Variants in KCNK2 observed in about 807,000 individuals in gnomAD.
The protein encoded by KCNK2 is potassium two pore domain channel subfamily K member 2.
Under a neutral mutation model 40.5 loss-of-function variants are expected in KCNK2, and 21 were observed. The ratio of observed to expected loss-of-function variants is 0.52; its 90% CI spans 0.37 to 0.75. The LOEUF is 0.75. Ranked by LOEUF, KCNK2 falls within the 30% of genes least tolerant of loss-of-function variation. KCNK2 has a pLI of 0.00. For missense variants in KCNK2, 399 were observed against 531.6 expected (o/e 0.75, Z 2.45); for synonymous variants, 191 against 202.2 (o/e 0.94, Z 0.47).
intron 3 of KCNK2, among the ~76,000 whole-genome samples, chr1:215,133,284 T>C (rs1181997349): frequency 6.6e-6 from 1 of 152,220 alleles, no homozygotes; most frequent in Non-Finnish European, 1.5e-5. Flanking sequence ...TGTTAAATGT[T>C]GTGATCTTGA....
At chr1:215,201,372 T>A (rs1220297394) in intron 6 of KCNK2, among the ~76,000 whole-genome samples, 1 of 152,120 alleles carries the variant, frequency 6.6e-6, no homozygotes, top group African/African-American at 2.4e-5. Context: ...TAGAAAGCAA[T>A]GTAAATCTTG....
At chr1:215,067,087 C>T (rs780929547) in intron 1 of KCNK2, among the ~76,000 whole-genome samples, 1 of 152,098 alleles carries the variant, frequency 6.6e-6, no homozygotes, top group African/African-American at 2.4e-5. Flanking sequence ...CTGGGCTGAA[C>T]TGGGACTATG....
intron 6 of KCNK2, among the ~76,000 whole-genome samples, chr1:215,208,892 A>G (rs1665432717): frequency 1.3e-5 from 2 of 151,966 alleles, no homozygotes; most frequent in South Asian, 4.1e-4. Context: ...CAGTGGCACC[A>G]TCTTGGCTCA....
chr1:215,126,893 C>A (rs184672073), intron 3 of KCNK2, among the ~76,000 whole-genome samples: 1 of 152,098 alleles, frequency 6.6e-6, no homozygotes, highest in Non-Finnish European at 1.5e-5. Context: ...TGGTCTTTTA[C>A]TCTTGAGGTC....
chr1:215,017,391 A>G (rs1213262349), intron 1 of KCNK2, among the ~76,000 whole-genome samples: 1 of 152,180 alleles, frequency 6.6e-6, no homozygotes, highest in East Asian at 1.9e-4. Context: ...TATGAACAAT[A>G]GAATACTGTT....
intron 1 of KCNK2, among the ~76,000 whole-genome samples, chr1:215,019,748 G>T (rs1177641638): frequency 2.0e-5 from 3 of 152,180 alleles, no homozygotes; most frequent in Non-Finnish European, 4.4e-5. Flanking sequence ...CACGTTATAG[G>T]TTGTCTCTTC....
At chr1:215,226,653 T>C (rs1459858513) in intron 6 of KCNK2, among the ~76,000 whole-genome samples, 1 of 152,036 alleles carries the variant, frequency 6.6e-6, no homozygotes, top group East Asian at 1.9e-4. Context: ...AAGATTGCAT[T>C]CCGTAAAGAT....
At chr1:215,209,408 C>CATAAT (rs1665490286) in intron 6 of KCNK2, among the ~76,000 whole-genome samples, 1 of 14,492 alleles carries the variant, frequency 6.9e-5, no homozygotes, top group African/African-American at 2.6e-4. Context: ...ATAAAATATG[C>CATAAT]ATATATTATA....
intron 3 of KCNK2, among the ~76,000 whole-genome samples, chr1:215,167,407 ATTAAT>A (rs1663495369): frequency 6.6e-6 from 1 of 152,066 alleles, no homozygotes; most frequent in East Asian, 1.9e-4. Flanking sequence ...AAAGTTCCAA[ATTAAT>A]TTAATATGAA....
chr1:215,025,081 G>A (rs772627594), intron 1 of KCNK2, among the ~76,000 whole-genome samples: 28 of 151,766 alleles, frequency 1.8e-4, no homozygotes, highest in Non-Finnish European at 3.7e-4. Flanking sequence ...AAGTGCCAAG[G>A]TTTTAGGGTC....
chr1:215,031,346 C>T (rs779212630), intron 1 of KCNK2, among the ~76,000 whole-genome samples: 1 of 152,164 alleles, frequency 6.6e-6, no homozygotes, highest in African/African-American at 2.4e-5. Context: ...ATAGAGTCTT[C>T]GTAGCCATGA....
intron 6 of KCNK2, among the ~76,000 whole-genome samples, chr1:215,220,338 C>G (rs1469496835): frequency 1.3e-5 from 2 of 152,156 alleles, no homozygotes; most frequent in African/African-American, 2.4e-5. Context: ...TGTAGCCAAT[C>G]TTGAGTTGCC....
At chr1:215,050,499 G>C (rs996019018) in intron 1 of KCNK2, among the ~76,000 whole-genome samples, 11 of 152,092 alleles carry the variant, frequency 7.2e-5, no homozygotes, top group African/African-American at 2.7e-4. Flanking sequence ...CCTGTACTTC[G>C]TTCATTCATA....
intron 3 of KCNK2, among the ~76,000 whole-genome samples, chr1:215,128,608 G>A (rs1407864786): frequency 6.6e-6 from 1 of 151,278 alleles, no homozygotes; most frequent in Non-Finnish European, 1.5e-5. Flanking sequence ...GGAACTGAAA[G>A]GAAAGGCTTA....
intron 3 of KCNK2, among the ~76,000 whole-genome samples, chr1:215,130,016 T>A (rs576490504): frequency 6.6e-6 from 1 of 152,292 alleles, no homozygotes; most frequent in South Asian, 2.1e-4. Context: ...CTTTCAACCA[T>A]GTCTGAGTTT....
At chr1:215,094,450 G>A (rs1351553846) in intron 2 of KCNK2, among the ~76,000 whole-genome samples, 3 of 152,066 alleles carry the variant, frequency 2.0e-5, no homozygotes, top group African/African-American at 7.2e-5. Context: ...GCAAAGGTGA[G>A]AGTTCCAAGA....
intron 6 of KCNK2, among the ~76,000 whole-genome samples, chr1:215,204,989 T>A (rs1665249859): frequency 6.6e-6 from 1 of 152,178 alleles, no homozygotes; most frequent in South Asian, 2.1e-4. Context: ...CTCACATGCA[T>A]GTGTATACAT....
At chr1:215,071,651 T>G (rs988496320) in intron 1 of KCNK2, among the ~76,000 whole-genome samples, 6 of 152,024 alleles carry the variant, frequency 3.9e-5, no homozygotes, top group Admixed American at 3.9e-4. Context: ...AAGAAATGAT[T>G]TATTCTTTCA....
chr1:215,086,961 T>C (rs1020056120), intron 2 of KCNK2, among the ~76,000 whole-genome samples: 2 of 152,242 alleles, frequency 1.3e-5, no homozygotes, highest in South Asian at 2.1e-4. Context: ...ATTTCTTTCC[T>C]GTTGTCTTCC....
Sources: allele counts gnomAD v4.1 joint callset (sites outside exome capture counted in the v4.1 genomes callset), GRCh38; gene constraint gnomAD v4.1.1; transcripts MANE v1.5; gene names NCBI Gene and HGNC (gene_info 2026-07-23, HGNC 2026-07-21).